Variants in ADCY9 observed in about 807,000 individuals in gnomAD.
The protein encoded by ADCY9 is adenylate cyclase type 9.
A neutral mutation model predicts 101.5 loss-of-function variants in ADCY9; 50 were observed. That is an observed-to-expected ratio of 0.49 (90% CI 0.39 to 0.62). ADCY9 has a LOEUF of 0.62. Ranked by LOEUF, ADCY9 falls within the 20% of genes least tolerant of loss-of-function variation. ADCY9 has a pLI of 0.00. For synonymous variants in ADCY9, 905 were observed against 769.3 expected, an observed-to-expected ratio of 1.18 and a Z score of -2.92; for missense variants, 1,662 against 1,800.4, an observed-to-expected ratio of 0.92 and a Z score of 1.39.
At chr16:4,083,589 A>G (rs1314544007) in intron 2 of ADCY9, among the ~76,000 whole-genome samples, 2 of 152,270 alleles carry the variant, frequency 1.3e-5, no homozygotes, top group Admixed American at 1.3e-4. Flanking sequence ...ATCATAGTCA[A>G]AAAGTGAAAC....
rs991663419 is a variant in ADCY9, at chr16:4,005,895, C to T, written c.1884+1473G>A. Among the ~76,000 whole-genome samples, 40 of 152,272 alleles carry T rather than the reference C, an allele frequency of 2.6e-4. No individual in the cohort carries two copies. The Middle Eastern group carries it at 0.01, about 39-fold the overall frequency. The stretch of plus-strand genomic sequence containing the variant: ...CTTCCCCAAATAGCAAAACCATTCC[C>T]GATTCCACCCCACGCCAGCCCCTCC... On this transcript the variant is annotated intron_variant, in intron 3 of 10. Transcript: ENST00000294016.
intron 2 of ADCY9, among the ~76,000 whole-genome samples, chr16:4,013,360 G>C (rs2056416693): frequency 6.6e-6 from 1 of 152,198 alleles, no homozygotes; most frequent in Non-Finnish European, 1.5e-5. Flanking sequence ...GGCGGAGGTT[G>C]CAGTGAGCTG....
chr16:3,955,958 G>A (rs149351996), intron 5 of ADCY9, among the ~76,000 whole-genome samples: 2 of 152,096 alleles, frequency 1.3e-5, no homozygotes, highest in Non-Finnish European at 2.9e-5. Flanking sequence ...CACCTCCTGC[G>A]CTCAAGCGAT....
intron 3 of ADCY9, among the ~76,000 whole-genome samples, chr16:4,005,033 C>A (rs923293094): frequency 2.0e-5 from 3 of 151,946 alleles, no homozygotes; most frequent in African/African-American, 4.8e-5. Context: ...CCACATTAGC[C>A]CTGCAAGGTG....
At chr16:4,082,952 C>G (rs1221477588) in intron 2 of ADCY9, among the ~76,000 whole-genome samples, 1 of 152,164 alleles carries the variant, frequency 6.6e-6, no homozygotes, top group Non-Finnish European at 1.5e-5. Context: ...ATTGGAAAAG[C>G]CCCTCTTCTT....
intron 2 of ADCY9, among the ~76,000 whole-genome samples, chr16:4,050,688 T>C (rs1243793911): frequency 1.8e-5 from 2 of 109,464 alleles, no homozygotes; most frequent in Non-Finnish European, 3.4e-5. Flanking sequence ...ATGCCAGTCT[T>C]GGCAACAAGA....
At chr16:4,092,197 G>C (rs1377442085) in intron 2 of ADCY9, among the ~76,000 whole-genome samples, 1 of 152,218 alleles carries the variant, frequency 6.6e-6, no homozygotes, top group East Asian at 1.9e-4. Flanking sequence ...CTGAATCCAG[G>C]AAACGGAGGT....
intron 7 of ADCY9, chr16:3,982,888 AC>A (rs1026377372): frequency 2.7e-5 from 8 of 294,912 alleles, no homozygotes; most frequent in Non-Finnish European, 5.1e-5. Flanking sequence ...CAGGCCCACT[AC>A]CCCCGCTCAT....
rs1025236879 is a variant in ADCY9, at chr16:3,965,374, C to T, written c.*401G>A. 3.6e-5 allele frequency: 8 copies of T among 223,688 alleles called. No individual in the cohort carries two copies. The highest frequency in any genetic ancestry group is 1.8e-4 in the South Asian group (2 of 11,078). The allele number at this position is 223,688 out of a possible 1,614,324, so 13.9% of individuals were successfully genotyped here. A position where few individuals can be genotyped will look rare whatever the true frequency, so the allele number is the denominator to read the frequency against. On this transcript the variant is annotated 3_prime_UTR_variant, in exon 11 of 11. Transcript: ENST00000294016. ...AAAAACAGGGTATTAGCCAGAGAACCGAAAATAGTGTCTCGTGGGACGTGG... is the reference window on the plus strand; with the variant it reads ...AAAAACAGGGTATTAGCCAGAGAACTGAAAATAGTGTCTCGTGGGACGTGG...
intron 2 of ADCY9, among the ~76,000 whole-genome samples, chr16:4,030,760 G>A (rs1040768323): frequency 6.4e-4 from 98 of 152,164 alleles, no homozygotes; most frequent in African/African-American, 2.2e-3. Context: ...TCAAACACAG[G>A]CAAACGCAAT....
Position 3,965,835 on chromosome 16 carries a change from G to A in ADCY9, c.4002C>T (p.Asp1334=), listed in dbSNP as rs746289873. Residue 1334 remains aspartate (D), a synonymous_variant, in exon 11 of 11, where the codon GAC becomes GAT. Transcript: ENST00000294016. ...FGKAIEKDDC[D]ETGIEEANEL... Reference sequence around the variant, plus strand: ...CGTTGGCTTCTTCTATTCCTGTTTCGTCACAGTCGTCTTTCTCTATGGCTT... The same window carrying A: ...CGTTGGCTTCTTCTATTCCTGTTTCATCACAGTCGTCTTTCTCTATGGCTT... 2.6e-5 allele frequency: 42 copies of A among 1,614,002 alleles called. No homozygotes were observed. The highest frequency in any genetic ancestry group is 6.7e-5 in the African/African-American group (5 of 74,900).
chr16:4,108,843 T>A (rs1208762897), intron 2 of ADCY9, among the ~76,000 whole-genome samples: 1 of 151,470 alleles, frequency 6.6e-6, no homozygotes, highest in Non-Finnish European at 1.5e-5. Flanking sequence ...GTAGCTGGGA[T>A]TACAGGTACC....
chr16:3,993,567 A>T, intron 3 of ADCY9, 57 bp from the exon 4 acceptor site: 1 of 1,597,404 alleles, frequency 6.3e-7, no homozygotes, highest in Non-Finnish European at 8.6e-7. Context: ...TGCCACCCTG[A>T]ATTCAGGCAG....
chr16:3,955,223 T>TA (rs1214756190), intron 5 of ADCY9, among the ~76,000 whole-genome samples: 180 of 143,868 alleles, frequency 1.3e-3, no homozygotes, highest in Middle Eastern at 7.2e-3. Context: ...TGTCTCTCAT[T>TA]AAAAAAAAAA....
chr16:3,968,057 T>C (rs1245643539), intron 10 of ADCY9, among the ~76,000 whole-genome samples: 1 of 152,136 alleles, frequency 6.6e-6, no homozygotes, highest in Non-Finnish European at 1.5e-5. Context: ...TATTTCAGCA[T>C]GTATCTCCTA....
At chr16:3,962,220 G>A (rs926530389), downstream of ADCY9, among the ~76,000 whole-genome samples, 1 of 152,074 alleles carries the variant, frequency 6.6e-6, no homozygotes, top group African/African-American at 2.4e-5. Context: ...GGGGCTTTGT[G>A]ACTTCCTCAA....
At chr16:4,067,988 T>C (rs1333590372) in intron 2 of ADCY9, among the ~76,000 whole-genome samples, 2 of 152,210 alleles carry the variant, frequency 1.3e-5, no homozygotes, top group African/African-American at 4.8e-5. Flanking sequence ...CAATAATTTT[T>C]TTTTTCCTCT....
chr16:4,054,645 A>G (rs1295784707), intron 2 of ADCY9, among the ~76,000 whole-genome samples: 1 of 150,760 alleles, frequency 6.6e-6, no homozygotes, highest in Non-Finnish European at 1.5e-5. Flanking sequence ...ATCTCGGCTC[A>G]CTGCAAGCTA....
chr16:4,035,909 G>T lies in ADCY9; in HGVS notation c.1694-28351C>A, dbSNP rs370904120. The stretch of plus-strand genomic sequence containing the variant: ...AGCTACTTGGGAGGCTGAGGGTGGA[G>T]AATCACTTGAACCCGGAAGGCGGAG... On this transcript the variant is annotated intron_variant, in intron 2 of 10. Coordinates refer to ENST00000294016, the MANE Select transcript of ADCY9 (RefSeq NM_001116.4). Among the ~76,000 whole-genome samples, 22 of 134,960 alleles carry T rather than the reference G, an allele frequency of 1.6e-4. No individual in the cohort carries two copies. The South Asian group carries it at 5.1e-3, about 31-fold the overall frequency. The allele number at this position is 134,960 out of a possible 152,430, so 88.5% of individuals were successfully genotyped here. A position where few individuals can be genotyped will look rare whatever the true frequency, so the allele number is the denominator to read the frequency against.
Sources: gnomAD v4.1 joint callset for allele counts (sites outside exome capture counted in the v4.1 genomes callset) on GRCh38, gnomAD v4.1.1 for gene constraint, MANE v1.5 for transcripts, NCBI Gene and HGNC (gene_info 2026-07-23, HGNC 2026-07-21) for gene names.